Variants in LARGE1 observed in about 807,000 individuals in gnomAD.
LARGE1 encodes the protein LARGE xylosyl- and glucuronyltransferase 1.
A neutral mutation model predicts 87.6 loss-of-function variants in LARGE1; 43 were observed. The ratio of observed to expected loss-of-function variants is 0.49; its 90% CI spans 0.38 to 0.63. The LOEUF is 0.63. Ranked by LOEUF, LARGE1 falls within the 30% of genes least tolerant of loss-of-function variation. The pLI, the probability that LARGE1 is intolerant of heterozygous loss-of-function variation, is 0.00. For missense variants in LARGE1, 802 were observed against 1,000.2 expected (o/e 0.80, Z 2.67); for synonymous variants, 434 against 394.6 (o/e 1.10, Z -1.18).
At position 33,896,162 on chromosome 22, in the gene LARGE1, C is replaced by T. The variant is rs374368972; in HGVS notation, c.-83+23833G>A. On this transcript the variant is annotated intron_variant, in intron 1 of 14. Coordinates refer to ENST00000397394, the MANE Select transcript of LARGE1 (RefSeq NM_133642.5). ...TCTACAAATTTGACTACTGTAGGGA[C>T]TTTACATAGGTGGAATGATAAATAT... 6.6e-5 allele frequency among the ~76,000 whole-genome samples: 10 copies of T among 152,310 alleles called. No homozygotes were observed. In the East Asian group the frequency reaches 7.7e-4, roughly 12 times the overall value.
chr22:33,801,143 A>G, intron 1 of LARGE1, among the ~76,000 whole-genome samples: 1 of 152,146 alleles, frequency 6.6e-6, no homozygotes, highest in Non-Finnish European at 1.5e-5. Context: ...GCCGCCATGT[A>G]AGAAGTGCCT....
intron 1 of LARGE1, among the ~76,000 whole-genome samples, chr22:33,817,965 T>C (rs944102216): frequency 2.0e-5 from 3 of 151,954 alleles, no homozygotes; most frequent in African/African-American, 4.8e-5. Context: ...CAGGGTAGCA[T>C]GGTGGTGCAG....
chr22:33,712,257 G>A (rs556362961), intron 2 of LARGE1, among the ~76,000 whole-genome samples: 17 of 152,296 alleles, frequency 1.1e-4, no homozygotes, highest in African/African-American at 3.8e-4. Context: ...AGGGAAGCTG[G>A]AGCCTGGATT....
intron 11 of LARGE1, among the ~76,000 whole-genome samples, chr22:33,184,239 G>C (rs1457739496): frequency 2.6e-5 from 4 of 151,418 alleles, no homozygotes; most frequent in Non-Finnish European, 5.9e-5. Flanking sequence ...TCAAATGCTT[G>C]ATATCTTGTA....
At chr22:33,795,087 A>G (rs1434073731) in intron 1 of LARGE1, among the ~76,000 whole-genome samples, 1 of 152,224 alleles carries the variant, frequency 6.6e-6, no homozygotes, top group African/African-American at 2.4e-5. Flanking sequence ...TCCTATTTTA[A>G]GAGAACTAGT....
chr22:33,550,140 T>TAC (rs1491548502), intron 6 of LARGE1, among the ~76,000 whole-genome samples: 2 of 96,772 alleles, frequency 2.1e-5, no homozygotes, highest in East Asian at 2.7e-4. Flanking sequence ...GAACTTAAAG[T>TAC]ATACACACAC....
At chr22:33,647,347 C>T (rs1309817134) in intron 3 of LARGE1, among the ~76,000 whole-genome samples, 1 of 152,158 alleles carries the variant, frequency 6.6e-6, no homozygotes, top group South Asian at 2.1e-4. Flanking sequence ...ATCCCTGTAA[C>T]TAAGTTGTGT....
At chr22:33,407,089 G>A (rs561405470) in intron 7 of LARGE1, among the ~76,000 whole-genome samples, 25 of 152,142 alleles carry the variant, frequency 1.6e-4, no homozygotes, top group Non-Finnish European at 2.4e-4. Context: ...CACCACGCCT[G>A]GCTGAAAATG....
intron 2 of LARGE1, among the ~76,000 whole-genome samples, chr22:33,664,094 G>A (rs940473359): frequency 2.0e-5 from 3 of 152,054 alleles, no homozygotes; most frequent in Non-Finnish European, 4.4e-5. Context: ...GTCTCAACAC[G>A]TCAACTGAAC....
At chr22:33,882,562 A>G (rs1242778843) in intron 1 of LARGE1, among the ~76,000 whole-genome samples, 1 of 152,236 alleles carries the variant, frequency 6.6e-6, no homozygotes, top group Non-Finnish European at 1.5e-5. Context: ...GATGAAACTC[A>G]GCCTCTCATC....
chr22:33,094,266 G>A, the LARGE1 span, among the ~76,000 whole-genome samples: 1 of 152,034 alleles, frequency 6.6e-6, no homozygotes, highest in Admixed American at 6.6e-5. Context: ...TTGCCAAATC[G>A]AGCCCTCTTC....
At chr22:33,092,511 G>C in the LARGE1 span, among the ~76,000 whole-genome samples, 1 of 151,916 alleles carries the variant, frequency 6.6e-6, no homozygotes, top group South Asian at 2.1e-4. Flanking sequence ...GTGCATGTTT[G>C]TTACACAGGT....
chr22:33,900,235 A>T (rs1390114139), intron 1 of LARGE1, among the ~76,000 whole-genome samples: 1 of 152,236 alleles, frequency 6.6e-6, no homozygotes, highest in Non-Finnish European at 1.5e-5. Flanking sequence ...GGAACACAGC[A>T]GTCCTGACGT....
At position 33,749,116 on chromosome 22, in the gene LARGE1, C is replaced by T. The variant is rs564405540; in HGVS notation, c.106+12255G>A. The stretch of plus-strand genomic sequence containing the variant: ...ACAGCGGTGTAAGCTACAGGTTGTG[C>T]TCTCCTCTTTTTTTTGAGATGGAGT... On this transcript the variant is annotated intron_variant, in intron 2 of 14. Coordinates refer to ENST00000397394, the MANE Select transcript of LARGE1 (RefSeq NM_133642.5). 2.0e-5 allele frequency among the ~76,000 whole-genome samples: 3 copies of T among 152,304 alleles called. No homozygotes were observed. The South Asian group carries it at 6.2e-4, about 32-fold the overall frequency.
Position 33,645,468 on chromosome 22 carries a change from A to T in LARGE1, c.408+4899T>A, listed in dbSNP as rs191333994. ...CAAGATGGATTAAAGACTTAAACAT[A>T]AGACCTAAAACCATAAAAACCCTAG... is the stretch of plus-strand genomic sequence containing the variant. On this transcript the variant is annotated intron_variant, in intron 3 of 14. Transcript: ENST00000397394. Among the ~76,000 whole-genome samples the T allele has an allele frequency of 2.2e-3, 336 of 152,290 alleles. 1 individual carries two copies. The highest frequency in any genetic ancestry group is 7.8e-3 in the African/African-American group (324 of 41,576).
At chr22:33,103,513 G>T in the LARGE1 span, among the ~76,000 whole-genome samples, 4 of 146,842 alleles carry the variant, frequency 2.7e-5, no homozygotes, top group Admixed American at 2.7e-4. Flanking sequence ...TTTAAAAGCA[G>T]AAGTGTTTCT....
chr22:33,309,269 C>T lies in LARGE1; in HGVS notation c.1452-4762G>A, dbSNP rs113572261. Among the ~76,000 whole-genome samples the T allele has an allele frequency of 1.9e-4, 29 of 151,988 alleles. No individual in the cohort carries two copies. The South Asian group carries it at 2.3e-3, about 12-fold the overall frequency. Reference sequence around the variant, plus strand: ...GCAACCTCCACCTCCCAGGTTCAAGCGATTTTCCTGTCTCAGCCTTCTGAG... The same window carrying T: ...GCAACCTCCACCTCCCAGGTTCAAGTGATTTTCCTGTCTCAGCCTTCTGAG... On this transcript the variant is annotated intron_variant, in intron 11 of 14. Coordinates refer to ENST00000397394, the MANE Select transcript of LARGE1 (RefSeq NM_133642.5).
At chr22:33,617,826 T>G (rs1045236530) in intron 4 of LARGE1, among the ~76,000 whole-genome samples, 2 of 152,218 alleles carry the variant, frequency 1.3e-5, no homozygotes, top group Non-Finnish European at 2.9e-5. Context: ...TGAGCAACGC[T>G]TCTGCTCCCT....
At chr22:33,595,085 C>T (rs1223598670) in intron 5 of LARGE1, among the ~76,000 whole-genome samples, 1 of 152,166 alleles carries the variant, frequency 6.6e-6, no homozygotes, top group African/African-American at 2.4e-5. Flanking sequence ...TAATAAAACA[C>T]ATGTCCTCTC....
Sources: allele counts gnomAD v4.1 joint callset (sites outside exome capture counted in the v4.1 genomes callset), GRCh38; gene constraint gnomAD v4.1.1; transcripts MANE v1.5; gene names NCBI Gene and HGNC (gene_info 2026-07-23, HGNC 2026-07-21).